MARS1: variants seen among roughly 807,000 people sequenced by gnomAD.
MARS1 encodes methionine--tRNA ligase, cytoplasmic.
In MARS1, 80 loss-of-function variants were observed where a neutral mutation model predicts 119.5. The observed-to-expected ratio is 0.67, with a 90% confidence interval of 0.56 to 0.81. MARS1 has a LOEUF of 0.81. Among genes scored for constraint, MARS1 ranks in the 30% least tolerant of loss-of-function variants. The pLI is 0.00. For missense variants in MARS1, 945 were observed against 1,116.5 expected (o/e 0.85, Z 2.19); for synonymous variants, 418 against 433.4 (o/e 0.96, Z 0.44).
intron 11 of MARS1, among the ~76,000 whole-genome samples, chr12:57,510,211 C>G (rs139549120): frequency 6.6e-6 from 1 of 152,190 alleles, no homozygotes; most frequent in Non-Finnish European, 1.5e-5. Context: ...TGGTGACTCA[C>G]GCCTGTAATC....
intron 8 of MARS1, 23 bp from the exon 9 acceptor site, chr12:57,498,397 G>T: frequency 1.2e-6 from 2 of 1,611,418 alleles, no homozygotes; most frequent in African/African-American, 2.7e-5. Flanking sequence ...GGGCCCCCTA[G>T]CGATCACCAT....
chr12:57,500,212 T>TG (rs1324377379), intron 9 of MARS1, 109 bp from the exon 10 acceptor site: 2 of 861,198 alleles, frequency 2.3e-6, no homozygotes, highest in Admixed American at 1.7e-5. Context: ...AGGAGCCTTC[T>TG]GCCTGATTTC....
At chr12:57,515,598 C>A (rs1877763414) in intron 18 of MARS1, 4 of 573,332 alleles carry the variant, frequency 7.0e-6, no homozygotes, top group Non-Finnish European at 1.2e-5. Flanking sequence ...ACCTAGTCTC[C>A]ATAATGCTAG....
chr12:57,489,063 C>A lies in MARS1; in HGVS notation c.154C>A (p.Gln52Lys). 6.2e-7 allele frequency: 1 copy of A among 1,613,926 alleles called. No individual in the cohort carries two copies. The highest frequency in any genetic ancestry group is 1.1e-5 in the South Asian group (1 of 91,078). The change falls in exon 2 of 21, where the codon CAG becomes AAG. Residue 52 changes from glutamine to lysine, a missense_variant. Gln to Lys is a moderately conservative substitution (Grantham distance 53). Coordinates refer to ENST00000262027, the MANE Select transcript of MARS1 (RefSeq NM_004990.4). ...FLTRPKVPVL[Q>K]LDSGNYLFST... ...GACCCGGCCTAAGGTCCCTGTCTTG[C>A]AGCTGGATAGCGGCAACTACCTCTT...
At chr12:57,510,983 A>T (rs1301545496) in intron 11 of MARS1, among the ~76,000 whole-genome samples, 1 of 151,976 alleles carries the variant, frequency 6.6e-6, no homozygotes, top group Non-Finnish European at 1.5e-5. Context: ...CTGAGGTGGA[A>T]GGATCACTTA....
At chr12:57,498,963 T>C (rs1298423361) in intron 9 of MARS1, among the ~76,000 whole-genome samples, 2 of 152,156 alleles carry the variant, frequency 1.3e-5, no homozygotes, top group East Asian at 3.8e-4. Context: ...AAACTCATTC[T>C]TCCTCTGCCT....
Position 57,511,484 on chromosome 12 carries a change from G to C in MARS1, c.1369-214G>C, listed in dbSNP as rs1473945835. The C allele has an allele frequency of 5.3e-6, 3 of 567,024 alleles. No individual in the cohort carries two copies. In the Admixed American group the frequency reaches 9.1e-5, roughly 17 times the overall value. 35.1% of individuals were successfully genotyped at this position (567,024 alleles called of 1,614,324 possible). A position where few individuals can be genotyped will look rare whatever the true frequency, so the allele number is the denominator to read the frequency against. On this transcript the variant is annotated intron_variant, in intron 11 of 20. Coordinates refer to ENST00000262027, the MANE Select transcript of MARS1 (RefSeq NM_004990.4). ...CCCAGCTACTGGGGAGGTTGAGGTA[G>C]GAGGATTGCTTGAGCCCAGGAGGTT... is the stretch of plus-strand genomic sequence containing the variant.
At chr12:57,490,940 G>A (rs368077537) in intron 7 of MARS1, among the ~76,000 whole-genome samples, 3 of 143,732 alleles carry the variant, frequency 2.1e-5, no homozygotes, top group Non-Finnish European at 3.0e-5. Context: ...GCATTGGCGC[G>A]ATCTCAGCTT....
At chr12:57,494,167 G>T (rs1345440443) in intron 7 of MARS1, among the ~76,000 whole-genome samples, 2 of 149,456 alleles carry the variant, frequency 1.3e-5, no homozygotes, top group Non-Finnish European at 3.0e-5. Flanking sequence ...TGTTGGCCAG[G>T]CTGGTCTCAA....
intron 10 of MARS1, among the ~76,000 whole-genome samples, chr12:57,502,720 A>C (rs1169552342): frequency 1.4e-4 from 21 of 144,858 alleles, no homozygotes; most frequent in Non-Finnish European, 2.4e-4. Flanking sequence ...AAAAAAAAAA[A>C]AAGCAACAAC....
chr12:57,514,856 G>GT lies in MARS1; in HGVS notation c.2099+6dup, dbSNP rs760843251. ...CCAGCTACTTGAGAAGGTTCGGTAA[G>GT]TAACTGACACCTCTGTCTTTTCTGC... On this transcript the variant is annotated splice_donor_region_variant and intron_variant, in intron 16 of 20. Coordinates refer to ENST00000262027, the MANE Select transcript of MARS1 (RefSeq NM_004990.4). The GT allele has an allele frequency of 1.9e-6, 3 of 1,613,760 alleles. No homozygotes were observed. The highest frequency in any genetic ancestry group is 3.3e-5 in the Admixed American group (2 of 60,008).
chr12:57,494,031 C>T (rs1451627635), intron 7 of MARS1, among the ~76,000 whole-genome samples: 1 of 140,168 alleles, frequency 7.1e-6, no homozygotes, highest in African/African-American at 2.7e-5. Context: ...TCTCAGCTCA[C>T]TGTAACCTCC....
rs115447727 is a variant in MARS1 at position 57,502,400 on chromosome 12, A to G, written c.1294-1825A>G. 2.7e-3 allele frequency among the ~76,000 whole-genome samples: 415 copies of G among 152,232 alleles called. 2 individuals carry two copies. The highest frequency in any genetic ancestry group is 9.5e-3 in the African/African-American group (395 of 41,538). On this transcript the variant is annotated intron_variant, in intron 10 of 20. Coordinates refer to ENST00000262027, the MANE Select transcript of MARS1 (RefSeq NM_004990.4). ...GAGGAATTATAATTTCTCACCTTCA[A>G]AAACTCAGATCAAAACTCACTTGGG...
intron 15 of MARS1, 142 bp from the exon 16 acceptor site, chr12:57,514,578 T>C (rs1345091622): frequency 3.2e-6 from 3 of 949,828 alleles, no homozygotes; most frequent in Non-Finnish European, 5.0e-6. Context: ...GTCTACTAGC[T>C]TGAGGGAGCC....
In MARS1 at chr12:57,516,533, A is replaced by G. The variant is rs1594838715; in HGVS notation, c.2655A>G (p.Val885=). Residue 885 remains valine (V), a synonymous_variant, in exon 21 of 21, where the codon GTA becomes GTG. Coordinates refer to ENST00000262027, the MANE Select transcript of MARS1 (RefSeq NM_004990.4). The part of the protein sequence containing the change: ...KLLDLKKQLA[V]AEGKPPEAPK... The stretch of plus-strand genomic sequence containing the variant: ...TGGATCTAAAGAAACAGTTGGCTGT[A>G]GCTGAGGGGAAACCCCCTGAAGCCC... 6.2e-7 allele frequency: 1 copy of G among 1,610,274 alleles called. No homozygotes were observed. The highest frequency in any genetic ancestry group is 8.5e-7 in the Non-Finnish European group (1 of 1,178,980).
chr12:57,515,982 AG>A lies in MARS1; in HGVS notation c.2459del (p.Gly820AlafsTer12). ...TTGAAAGTTTAAGGCAGCGCTTTGG[AG>A]GGGGCCAGGTGAGAAAGCTAAAGGC... ...QIESLRQRFG[G>X]GQAKTSPKPA... is the part of the protein sequence containing the mutation. On this transcript the variant is annotated frameshift_variant, in exon 19 of 21. Transcript: ENST00000262027. LOFTEE classifies it high-confidence loss of function. 2 of 1,614,126 alleles carry A rather than the reference AG, an allele frequency of 1.2e-6. No homozygotes were observed. Among genetic ancestry groups the A allele is most frequent in the Non-Finnish European group, 1.7e-6 (2 of 1,179,990 alleles).
chr12:57,507,893 C>T (rs1452474089), intron 11 of MARS1, among the ~76,000 whole-genome samples: 3 of 151,070 alleles, frequency 2.0e-5, no homozygotes, highest in Non-Finnish European at 4.4e-5. Flanking sequence ...AGGGGCTCCT[C>T]ACTTCTCAGA....
intron 11 of MARS1, among the ~76,000 whole-genome samples, chr12:57,507,444 C>G (rs1029376062): frequency 3.9e-5 from 3 of 76,794 alleles, no homozygotes; most frequent in African/African-American, 1.3e-4. Flanking sequence ...AGAGGCGCCC[C>G]TCACCTCCCG....
intron 7 of MARS1, among the ~76,000 whole-genome samples, chr12:57,491,147 A>G (rs992416804): frequency 1.3e-5 from 2 of 152,104 alleles, no homozygotes; most frequent in African/African-American, 4.8e-5. Context: ...TGCTGGGATT[A>G]CAGACATGAG....
Sources: allele counts gnomAD v4.1 joint callset (sites outside exome capture counted in the v4.1 genomes callset), GRCh38; gene constraint gnomAD v4.1.1; transcripts MANE v1.5; gene names NCBI Gene and HGNC (gene_info 2026-07-23, HGNC 2026-07-21).